Variants in SYTL2 observed in about 807,000 individuals in gnomAD.
SYTL2 encodes synaptotagmin like 2.
A neutral mutation model predicts 198.7 loss-of-function variants in SYTL2; 165 were observed. That is an observed-to-expected ratio of 0.83 (90% CI 0.73 to 0.94). SYTL2 has a LOEUF of 0.94. Ranked by LOEUF, SYTL2 falls within the 40% of genes least tolerant of loss-of-function variation. The pLI is 0.00. For synonymous variants in SYTL2, 966 were observed against 917.7 expected, an observed-to-expected ratio of 1.05 and a Z score of -0.95; for missense variants, 2,835 against 2,582.8, an observed-to-expected ratio of 1.10 and a Z score of -2.12.
At chr11:85,786,545 T>G (rs1005726090) in intron 1 of SYTL2, among the ~76,000 whole-genome samples, 1 of 152,216 alleles carries the variant, frequency 6.6e-6, no homozygotes, top group African/African-American at 2.4e-5. Context: ...GATCTACAAT[T>G]GTCTCAAAAT....
At chr11:85,795,731 T>C (rs1298441427) in intron 1 of SYTL2, among the ~76,000 whole-genome samples, 1 of 152,196 alleles carries the variant, frequency 6.6e-6, no homozygotes, top group African/African-American at 2.4e-5. Flanking sequence ...ATAAAGCAGA[T>C]TATTCCCAGA....
the SYTL2 span, among the ~76,000 whole-genome samples, chr11:85,848,037 G>C: frequency 2.6e-5 from 4 of 151,972 alleles, no homozygotes; most frequent in East Asian, 7.7e-4. Context: ...GACCAGCCTA[G>C]GCAACAAGAC....
intron 6 of SYTL2, among the ~76,000 whole-genome samples, chr11:85,735,332 A>G (rs983976657): frequency 3.3e-5 from 5 of 152,234 alleles, no homozygotes; most frequent in Non-Finnish European, 7.3e-5. Context: ...AAGAATGAAA[A>G]GAAAATTTCT....
chr11:85,775,436 G>A (rs936976731), intron 1 of SYTL2, among the ~76,000 whole-genome samples: 10 of 152,132 alleles, frequency 6.6e-5, no homozygotes, highest in Non-Finnish European at 1.2e-4. Context: ...CCCTTCTTGG[G>A]AGGTAGGTAG....
intron 1 of SYTL2, among the ~76,000 whole-genome samples, chr11:85,792,807 T>C (rs971518236): frequency 5.5e-5 from 8 of 146,766 alleles, no homozygotes; most frequent in Non-Finnish European, 1.2e-4. Context: ...GTCCCCAGAG[T>C]GTGATGATCC....
chr11:85,738,444 TGGGAGGGAAAG>T (rs775064186), intron 4 of SYTL2, among the ~76,000 whole-genome samples: 13 of 151,926 alleles, frequency 8.6e-5, no homozygotes, highest in African/African-American at 1.2e-4. Flanking sequence ...AAATAGAGGA[TGGGAGGGAAAG>T]GGGAGGGAAC....
At chr11:85,738,319 TG>T (rs1413230372) in intron 4 of SYTL2, among the ~76,000 whole-genome samples, 1 of 152,238 alleles carries the variant, frequency 6.6e-6, no homozygotes, top group African/African-American at 2.4e-5. Flanking sequence ...GCTGAGCTCT[TG>T]AAGAAGCCAT....
chr11:85,762,651 A>C (rs781156758), intron 1 of SYTL2, among the ~76,000 whole-genome samples: 1 of 152,166 alleles, frequency 6.6e-6, no homozygotes, highest in Non-Finnish European at 1.5e-5. Flanking sequence ...AGGCTTTTGC[A>C]TGTGCTGTTC....
chr11:85,807,948 G>T (rs948007925), intron 1 of SYTL2, among the ~76,000 whole-genome samples: 4 of 152,122 alleles, frequency 2.6e-5, no homozygotes, highest in Non-Finnish European at 5.9e-5. Context: ...CAGTCAAAAG[G>T]GCTGTATTTG....
At chr11:85,788,148 A>T (rs1385386771) in intron 1 of SYTL2, among the ~76,000 whole-genome samples, 2 of 152,206 alleles carry the variant, frequency 1.3e-5, no homozygotes, top group Non-Finnish European at 2.9e-5. Flanking sequence ...GACTATGCTA[A>T]TTCAGTCAGT....
At chr11:85,713,206 C>A (rs375724500) in intron 12 of SYTL2, among the ~76,000 whole-genome samples, 20 of 152,140 alleles carry the variant, frequency 1.3e-4, no homozygotes, top group East Asian at 5.8e-4. Flanking sequence ...GATGCCCAGG[C>A]CAGTGACAGA....
the SYTL2 span, chr11:85,853,311 T>C: frequency 2.2e-6 from 1 of 445,678 alleles, no homozygotes; most frequent in Non-Finnish European, 4.5e-6. Context: ...TTTTGTTCTG[T>C]ACTAGGAAAG....
intron 7 of SYTL2, among the ~76,000 whole-genome samples, chr11:85,731,139 A>G (rs1468910719): frequency 6.6e-6 from 1 of 152,252 alleles, no homozygotes; most frequent in East Asian, 1.9e-4. Flanking sequence ...AAGAATCAGT[A>G]TCATGAAAAT....
chr11:85,751,339 G>C (rs2091498277), intron 2 of SYTL2, among the ~76,000 whole-genome samples: 1 of 152,000 alleles, frequency 6.6e-6, no homozygotes. Flanking sequence ...CCACTATCTA[G>C]TGCTGCTGTT....
rs770193892 is a variant in SYTL2 at position 85,714,455 on chromosome 11, G to A, written c.5583C>T (p.Leu1861=). The part of the protein sequence containing the change: ...PDNPFSHPDK[L]KRMSKSVPAF... ...CTGGAACAGACTTGCTCATCCTTTT[G>A]AGTTTGTCAGGGTGAGAAAATGGAT... is the stretch of plus-strand genomic sequence containing the variant. Residue 1861 remains leucine, a synonymous_variant, in exon 12 of 20, where the codon CTC becomes CTT. Coordinates refer to ENST00000359152, the MANE Select transcript of SYTL2 (RefSeq NM_206927.4). 40 of 1,613,698 alleles carry A rather than the reference G, an allele frequency of 2.5e-5. No individual in the cohort carries two copies. The highest frequency in any genetic ancestry group is 3.4e-5 in the Non-Finnish European group (40 of 1,179,768).
the SYTL2 span, among the ~76,000 whole-genome samples, chr11:85,836,764 T>C: frequency 6.6e-6 from 1 of 152,210 alleles, no homozygotes; most frequent in Admixed American, 6.5e-5. Flanking sequence ...AACTTTGTTA[T>C]ACTTAGTATA....
In SYTL2 at chr11:85,726,909, A is replaced by G. The variant is rs921512104; in HGVS notation, c.2449T>C (p.Cys817Arg). The stretch of plus-strand genomic sequence containing the variant: ...TTAGCAGAAGGTTGTTCCTGGCTAC[A>G]TGAAGATGTGGGTTTTTCATGAGTT... ...KITHEKPTSS[C>R]SQEQPSAKAY... is the part of the protein sequence containing the mutation. The change falls in exon 8 of 20, where the codon TGT becomes CGT. Residue 817 changes from cysteine (C) to arginine (R), a missense_variant. By Grantham distance (180) the Cys-to-Arg change is radical (BLOSUM62 -3). This residue lies in a region of SYTL2 where 2,645 missense variants were observed against 2,381.7 expected (regional missense o/e 1.11). Transcript: ENST00000359152. 2 of 1,536,532 alleles carry G rather than the reference A, an allele frequency of 1.3e-6. No individual in the cohort carries two copies. The highest frequency in any genetic ancestry group is 1.7e-6 in the Non-Finnish European group (2 of 1,147,016).
At chr11:85,833,106 G>T in the SYTL2 span, among the ~76,000 whole-genome samples, 13 of 35,676 alleles carry the variant, frequency 3.6e-4, 1 homozygote, top group Admixed American at 1.1e-3. Context: ...AAAGAAGGAA[G>T]GAAGGAAGGA....
chr11:85,851,963 C>A, the SYTL2 span, among the ~76,000 whole-genome samples: 1 of 150,188 alleles, frequency 6.7e-6, no homozygotes, highest in Non-Finnish European at 1.5e-5. Flanking sequence ...TAGCAAATTC[C>A]TGGCACTTAA....
Sources: allele counts gnomAD v4.1 joint callset (sites outside exome capture counted in the v4.1 genomes callset), GRCh38; gene constraint gnomAD v4.1.1; regional missense constraint gnomAD v4.1.1; transcripts MANE v1.5; gene names NCBI Gene and HGNC (gene_info 2026-07-23, HGNC 2026-07-21).